Variants in FUT9 observed in about 807,000 individuals in gnomAD.
FUT9 encodes the protein 4-galactosyl-N-acetylglucosaminide 3-alpha-L-fucosyltransferase 9.
In FUT9, 15 loss-of-function variants were observed where a neutral mutation model predicts 29.7. The observed-to-expected ratio is 0.51, with a 90% confidence interval of 0.34 to 0.78. The LOEUF is 0.78. FUT9 is among the 30% of genes least tolerant of loss of function. The probability of loss-of-function intolerance (pLI) is 0.01; values close to 1 mark genes in which losing one functional copy is unlikely to be tolerated. For missense variants in FUT9, 319 were observed against 425.4 expected, an observed-to-expected ratio of 0.75 and a Z score of 2.20; for synonymous variants, 169 against 153.7, an observed-to-expected ratio of 1.10 and a Z score of -0.74.
rs191695977 is a variant in FUT9, at chr6:96,049,743, T to C, written c.-98+33531T>C. On this transcript the variant is annotated intron_variant, in intron 1 of 2. Transcript: ENST00000302103. ...GTTTTGCTTATCTTAATTATTTCTT[T>C]TGTGTTTTGAGCATCTCTGTTATTT... Among the ~76,000 whole-genome samples the C allele has an allele frequency of 3.3e-5, 5 of 152,322 alleles. No homozygotes were observed. The East Asian group carries it at 5.8e-4, about 18-fold the overall frequency.
At chr6:96,057,848 A>G (rs971572624) in intron 1 of FUT9, among the ~76,000 whole-genome samples, 4 of 152,226 alleles carry the variant, frequency 2.6e-5, no homozygotes, top group Non-Finnish European at 5.9e-5. Flanking sequence ...GTAAGTGCTA[A>G]AACTATTTAT....
intron 1 of FUT9, among the ~76,000 whole-genome samples, chr6:96,070,383 C>T (rs1342711236): frequency 6.6e-6 from 1 of 152,076 alleles, no homozygotes; most frequent in Non-Finnish European, 1.5e-5. Context: ...TATGGCAAAC[C>T]ATATTATGTA....
At chr6:96,143,966 A>G (rs1375152142) in intron 2 of FUT9, among the ~76,000 whole-genome samples, 2 of 152,200 alleles carry the variant, frequency 1.3e-5, no homozygotes, top group African/African-American at 4.8e-5. Context: ...GAAAGCCCCA[A>G]TTCAGCAAGT....
At chr6:96,052,573 G>A (rs1250822563) in intron 1 of FUT9, among the ~76,000 whole-genome samples, 3 of 152,112 alleles carry the variant, frequency 2.0e-5, no homozygotes, top group African/African-American at 7.2e-5. Flanking sequence ...TAGAAAGTTG[G>A]AAAGCCAAAT....
intron 1 of FUT9, chr6:96,021,091 G>T (rs942425901): frequency 6.6e-6 from 1 of 151,782 alleles, no homozygotes; most frequent in Non-Finnish European, 1.5e-5. Flanking sequence ...ATGTCACCTT[G>T]GTATTAAACA....
chr6:96,034,333 TG>T (rs958657168), intron 1 of FUT9, among the ~76,000 whole-genome samples: 1 of 151,616 alleles, frequency 6.6e-6, no homozygotes, highest in African/African-American at 2.4e-5. Flanking sequence ...GGTTAAGCAC[TG>T]TAACCCTATT....
At chr6:96,134,574 C>T (rs912856412) in intron 2 of FUT9, among the ~76,000 whole-genome samples, 1 of 151,874 alleles carries the variant, frequency 6.6e-6, no homozygotes, top group Non-Finnish European at 1.5e-5. Context: ...TCACCAATTA[C>T]TGAATGCTAT....
At chr6:96,138,335 C>G (rs1216087038) in intron 2 of FUT9, among the ~76,000 whole-genome samples, 1 of 152,110 alleles carries the variant, frequency 6.6e-6, no homozygotes, top group Non-Finnish European at 1.5e-5. Context: ...TTATTGTTTA[C>G]TCTTTCTTTT....
At chr6:96,033,455 T>G (rs538711271) in intron 1 of FUT9, among the ~76,000 whole-genome samples, 1 of 151,532 alleles carries the variant, frequency 6.6e-6, no homozygotes, top group South Asian at 2.1e-4. Context: ...TAGAATAAAA[T>G]TACTTATAAA....
At position 96,175,719 on chromosome 6, in the gene FUT9, G is replaced by A. The variant is rs1015111879; in HGVS notation, c.-8-27429G>A. Among the ~76,000 whole-genome samples the A allele has an allele frequency of 5.3e-5, 8 of 152,150 alleles. No individual in the cohort carries two copies. The East Asian group carries it at 5.8e-4, about 11-fold the overall frequency. ...ATTTTACCTGGTGCTATAAACCAGCGATTGCAAACTTTCTATAGGGGGCCA... is the reference window on the plus strand; with the variant it reads ...ATTTTACCTGGTGCTATAAACCAGCAATTGCAAACTTTCTATAGGGGGCCA... On this transcript the variant is annotated intron_variant, in intron 2 of 2. Transcript: ENST00000302103.
At chr6:96,162,759 TTAAA>T (rs1158768362) in intron 2 of FUT9, among the ~76,000 whole-genome samples, 1 of 152,226 alleles carries the variant, frequency 6.6e-6, no homozygotes, top group Non-Finnish European at 1.5e-5. Context: ...CAATTCTTCC[TTAAA>T]TAGAGCCTAC....
At chr6:96,028,468 A>G (rs1770205743) in intron 1 of FUT9, among the ~76,000 whole-genome samples, 1 of 151,682 alleles carries the variant, frequency 6.6e-6, no homozygotes, top group African/African-American at 2.4e-5. Flanking sequence ...ATTAAAGTCA[A>G]ATTTCTTAGT....
At chr6:96,122,060 C>A (rs2127965328) in intron 2 of FUT9, among the ~76,000 whole-genome samples, 1 of 152,158 alleles carries the variant, frequency 6.6e-6, no homozygotes, top group East Asian at 1.9e-4. Context: ...AAGTGATGGT[C>A]TGTGTTCAAT....
At chr6:96,152,041 A>G (rs1772686846) in intron 2 of FUT9, among the ~76,000 whole-genome samples, 1 of 152,164 alleles carries the variant, frequency 6.6e-6, no homozygotes, top group Non-Finnish European at 1.5e-5. Flanking sequence ...AAAAATTTAG[A>G]GATATATTTA....
intron 1 of FUT9, among the ~76,000 whole-genome samples, chr6:96,064,291 A>T (rs1216708467): frequency 6.6e-6 from 1 of 152,022 alleles, no homozygotes; most frequent in Non-Finnish European, 1.5e-5. Flanking sequence ...TAGTACTGAG[A>T]CCCAGCCTGG....
intron 2 of FUT9, among the ~76,000 whole-genome samples, chr6:96,170,712 C>T (rs1773098535): frequency 6.6e-6 from 1 of 152,064 alleles, no homozygotes; most frequent in African/African-American, 2.4e-5. Flanking sequence ...GACAAAAGAA[C>T]CACTGTCCTG....
At chr6:96,163,980 C>G (rs994566711) in intron 2 of FUT9, among the ~76,000 whole-genome samples, 2 of 152,140 alleles carry the variant, frequency 1.3e-5, no homozygotes, top group African/African-American at 4.8e-5. Flanking sequence ...TCAGGAGATC[C>G]TGACAATATA....
chr6:96,146,452 G>A (rs1479562586), intron 2 of FUT9, among the ~76,000 whole-genome samples: 2 of 152,066 alleles, frequency 1.3e-5, no homozygotes, highest in Admixed American at 1.3e-4. Flanking sequence ...ATGTTCAAAC[G>A]ACAAAGGAAA....
intron 2 of FUT9, among the ~76,000 whole-genome samples, chr6:96,147,084 A>T (rs1303698597): frequency 1.3e-5 from 2 of 152,114 alleles, no homozygotes; most frequent in African/African-American, 2.4e-5. Context: ...AGGATAAAGC[A>T]ACTCTCCCCC....
Sources: gnomAD v4.1 joint callset for allele counts (sites outside exome capture counted in the v4.1 genomes callset) on GRCh38, gnomAD v4.1.1 for gene constraint, MANE v1.5 for transcripts, NCBI Gene and HGNC (gene_info 2026-07-23, HGNC 2026-07-21) for gene names.